The following PILRB variants were observed in gnomAD, a reference collection of about 807,000 sequenced individuals.
The protein encoded by PILRB is paired immunoglobin like type 2 receptor beta.
Under a neutral mutation model 20.5 loss-of-function variants are expected in PILRB, and 21 were observed. The observed-to-expected ratio is 1.02, with a 90% CI of 0.72 to 1.47. The LOEUF (loss-of-function observed/expected upper bound fraction) is 1.47. Ranked by LOEUF, PILRB falls within the 40% of genes most tolerant of loss-of-function variation. The pLI is 0.00. For synonymous variants in PILRB, 133 were observed against 115.1 expected, an observed-to-expected ratio of 1.16 and a Z score of -0.99; for missense variants, 253 against 272.1, an observed-to-expected ratio of 0.93 and a Z score of 0.49.
Position 100,358,442 on chromosome 7 carries a change from A to G in PILRB, c.64+76A>G, listed in dbSNP as rs2130091758. The G allele has an allele frequency of 4.5e-6, 7 of 1,549,548 alleles. No homozygotes were observed. The South Asian group carries it at 6.8e-5, about 15-fold the overall frequency. Reference sequence around the variant, plus strand: ...GGCCAACCCAAGACAAAGGCAGAACATCTGGGGCAGGGGCCAGGCTCCCAC... The same window carrying G: ...GGCCAACCCAAGACAAAGGCAGAACGTCTGGGGCAGGGGCCAGGCTCCCAC... On this transcript the variant is annotated intron_variant, in intron 1 of 3. Transcript: ENST00000609309.
intron 3 of PILRB, among the ~76,000 whole-genome samples, chr7:100,362,354 A>G (rs1325455335): frequency 6.6e-6 from 1 of 152,178 alleles, no homozygotes; most frequent in African/African-American, 2.4e-5. Context: ...TGTTAAAAGG[A>G]CTGTACGCCA....
intron 3 of PILRB, among the ~76,000 whole-genome samples, chr7:100,359,829 C>T (rs912456184): frequency 1.3e-5 from 2 of 152,210 alleles, no homozygotes; most frequent in African/African-American, 4.8e-5. Flanking sequence ...TCAAGACCAT[C>T]CTGGCCAACA....
chr7:100,363,689 A>G (rs777355390), intron 3 of PILRB, among the ~76,000 whole-genome samples: 1 of 152,220 alleles, frequency 6.6e-6, no homozygotes, highest in African/African-American at 2.4e-5. Context: ...CTGAAATTCA[A>G]ATGGAATCTG....
chr7:100,362,901 A>G (rs1790570332), intron 3 of PILRB, among the ~76,000 whole-genome samples: 2 of 152,116 alleles, frequency 1.3e-5, no homozygotes, highest in Admixed American at 1.3e-4. Flanking sequence ...CCCATGGCTG[A>G]AAGTCTTTCA....
intron 3 of PILRB, among the ~76,000 whole-genome samples, chr7:100,363,132 TAAAAAAAA>T (rs771904107): frequency 4.7e-5 from 4 of 85,062 alleles, no homozygotes; most frequent in Admixed American, 1.3e-4. Flanking sequence ...CATCTCTACT[TAAAAAAAA>T]AAAAAAAAAA....
At position 100,358,766 on chromosome 7, in the gene PILRB, C is replaced by T. The variant is rs552530478; in HGVS notation, c.141C>T (p.Gly47=). The T allele has an allele frequency of 1.9e-6, 3 of 1,613,998 alleles. 1 individual carries two copies. In the African/African-American group the frequency reaches 4.0e-5, roughly 22 times the overall value. Residue 47 remains glycine (G), a synonymous_variant, in exon 2 of 4, where the codon GGC becomes GGT. Coordinates refer to ENST00000609309, the MANE Select transcript of PILRB (RefSeq NM_178238.4). ...QPKHLSASMG[G]SVEIPFSFYY... is the part of the protein sequence containing the mutation. Reference sequence around the variant, plus strand: ...AACACCTCTCAGCCTCCATGGGTGGCTCTGTGGAAATCCCCTTCTCCTTCT... The same window carrying T: ...AACACCTCTCAGCCTCCATGGGTGGTTCTGTGGAAATCCCCTTCTCCTTCT...
rs759693532 is a variant in PILRB, at chr7:100,359,127, T to A, written c.454+48T>A. On this transcript the variant is annotated intron_variant, in intron 2 of 3. Transcript: ENST00000609309. Reference sequence around the variant, plus strand: ...CTGCCTTGCCCACCGCAGTGAGGGTTTTGGTGACCACTGATGTCTTCACAT... The same window carrying A: ...CTGCCTTGCCCACCGCAGTGAGGGTATTGGTGACCACTGATGTCTTCACAT... The A allele has an allele frequency of 2.5e-6, 4 of 1,610,416 alleles. No individual in the cohort carries two copies. The East Asian group carries it at 8.9e-5, about 36-fold the overall frequency.
At position 100,358,904 on chromosome 7, in the gene PILRB, T is replaced by C. The variant is rs1790445067; in HGVS notation, c.279T>C (p.Tyr93=). ...GGCCGCCTTCCATTCACAAGGATTA[T>C]GTGAACCGGCTCTTTCTGAACTGGA... ...STRPPSIHKD[Y]VNRLFLNWTE... The change falls in exon 2 of 4, where the codon TAT becomes TAC. Residue 93 remains tyrosine (Y), a synonymous_variant. Transcript: ENST00000609309. 6.2e-7 allele frequency: 1 copy of C among 1,614,188 alleles called. No homozygotes were observed. The highest frequency in any genetic ancestry group is 1.3e-5 in the African/African-American group (1 of 75,038).
chr7:100,364,081 C>G (rs1790607048), intron 3 of PILRB, among the ~76,000 whole-genome samples: 1 of 149,880 alleles, frequency 6.7e-6, no homozygotes. Flanking sequence ...GCATTCCAGC[C>G]TGGGCAACAA....
In PILRB at chr7:100,358,367, G is replaced by A; in HGVS notation, c.64+1G>A. 3 of 1,612,264 alleles carry A rather than the reference G, an allele frequency of 1.9e-6. No homozygotes were observed. Among genetic ancestry groups the A allele is most frequent in the Non-Finnish European group, 2.5e-6 (3 of 1,179,990 alleles). Reference sequence around the variant, plus strand: ...CAGCCGCCAGCATTTCTGCAGCCTGGTGAGTACCCAGGACCGCCCAGGTAT... The same window carrying A: ...CAGCCGCCAGCATTTCTGCAGCCTGATGAGTACCCAGGACCGCCCAGGTAT... On this transcript the variant is annotated splice_donor_variant, in intron 1 of 3. Coordinates refer to ENST00000609309, the MANE Select transcript of PILRB (RefSeq NM_178238.4). LOFTEE classifies it high-confidence loss of function.
intron 3 of PILRB, 52 bp downstream of exon 3, chr7:100,359,589 C>G (rs769647293): frequency 1.4e-6 from 2 of 1,465,930 alleles, no homozygotes; most frequent in African/African-American, 2.8e-5. Context: ...GGGGGTTTCT[C>G]TGAGCCCACC....
chr7:100,360,771 G>A (rs1027323910), intron 3 of PILRB, among the ~76,000 whole-genome samples: 3 of 152,106 alleles, frequency 2.0e-5, no homozygotes, highest in African/African-American at 7.2e-5. Context: ...AAACCAATGA[G>A]ATTGTTAGAT....
intron 3 of PILRB, among the ~76,000 whole-genome samples, chr7:100,364,160 A>G (rs994795575): frequency 2.4e-4 from 36 of 152,140 alleles, no homozygotes; most frequent in Admixed American, 5.2e-4. Context: ...TACAGAGCCC[A>G]CAAATAAACC....
chr7:100,367,021 G>A (rs952411227), intron 3 of PILRB, among the ~76,000 whole-genome samples: 3 of 152,066 alleles, frequency 2.0e-5, no homozygotes, highest in African/African-American at 4.8e-5. Context: ...AGCCTAGGGC[G>A]CAGCAGAGAA....
rs1475236708 is a variant in PILRB at position 100,358,335 on chromosome 7, C to T, written c.33C>T (p.Leu11=). The part of the protein sequence containing the change: MGRPLLLPLL[L]LLQPPAFLQP... ...GGCCCCTGCTGCTGCCCCTGCTGCT[C>T]CTGCTGCAGCCGCCAGCATTTCTGC... Residue 11 remains leucine, a synonymous_variant, in exon 1 of 4, where the codon CTC becomes CTT. Transcript: ENST00000609309. 11 of 1,612,662 alleles carry T rather than the reference C, an allele frequency of 6.8e-6. No homozygotes were observed. The highest frequency in any genetic ancestry group is 1.7e-5 in the Admixed American group (1 of 60,006).
chr7:100,366,671 C>T (rs1283938536), intron 3 of PILRB, among the ~76,000 whole-genome samples: 9 of 151,988 alleles, frequency 5.9e-5, no homozygotes, highest in South Asian at 4.1e-4. Flanking sequence ...AGGGCAGACA[C>T]AGCCGCCACC....
intron 3 of PILRB, among the ~76,000 whole-genome samples, chr7:100,362,752 G>A (rs910267508): frequency 3.3e-5 from 5 of 151,924 alleles, no homozygotes; most frequent in African/African-American, 1.2e-4. Context: ...CAAGTGATCC[G>A]CCCACCTTGG....
At chr7:100,367,302 C>T (rs1283851153) in intron 3 of PILRB, 47 bp from the exon 4 acceptor site, 1 of 780,142 alleles carries the variant, frequency 1.3e-6, no homozygotes, top group African/African-American at 1.7e-5. Context: ...TCGCCTGCCT[C>T]ACTAATAATC....
intron 3 of PILRB, among the ~76,000 whole-genome samples, chr7:100,363,056 A>G (rs562668495): frequency 6.6e-6 from 1 of 151,246 alleles, no homozygotes; most frequent in African/African-American, 2.4e-5. Context: ...CACTTTTGGA[A>G]GTCGAGGCAG....
Sources: gnomAD v4.1 joint callset for allele counts (sites outside exome capture counted in the v4.1 genomes callset) on GRCh38, gnomAD v4.1.1 for gene constraint, MANE v1.5 for transcripts, NCBI Gene and HGNC (gene_info 2026-07-23, HGNC 2026-07-21) for gene names.